Variants in DNAH14 observed in about 807,000 individuals in gnomAD.
The protein encoded by DNAH14 is axonemal beta dynein heavy chain 14.
A neutral mutation model predicts 520.9 loss-of-function variants in DNAH14; 478 were observed. That is an observed-to-expected ratio of 0.92 (90% confidence interval 0.85 to 0.99). The LOEUF is 0.99. Ranked by LOEUF, DNAH14 falls within the 50% of genes least tolerant of loss-of-function variation. The pLI, the probability that DNAH14 is intolerant of heterozygous loss-of-function variation, is 0.00. For synonymous variants in DNAH14, 1,581 were observed against 1,757.2 expected, an observed-to-expected ratio of 0.90 and a Z score of 2.51; for missense variants, 4,831 against 5,234.5, an observed-to-expected ratio of 0.92 and a Z score of 2.38.
At chr1:225,282,658 G>A (rs2093652504) in intron 54 of DNAH14, among the ~76,000 whole-genome samples, 1 of 152,146 alleles carries the variant, frequency 6.6e-6, no homozygotes, top group Non-Finnish European at 1.5e-5. Context: ...AAATGCTCTA[G>A]GAAATGTGCC....
At chr1:225,345,666 C>A (rs1008497582) in intron 69 of DNAH14, among the ~76,000 whole-genome samples, 2 of 151,862 alleles carry the variant, frequency 1.3e-5, no homozygotes, top group African/African-American at 4.8e-5. Flanking sequence ...AAATGTATTC[C>A]TTATCATGGA....
chr1:225,155,966 A>G (rs758865313), intron 34 of DNAH14, among the ~76,000 whole-genome samples: 5 of 152,100 alleles, frequency 3.3e-5, no homozygotes, highest in South Asian at 4.1e-4. Context: ...TTGCTTTTTA[A>G]AAGTTTCTTT....
intron 60 of DNAH14, among the ~76,000 whole-genome samples, chr1:225,310,797 A>G (rs1463007228): frequency 1.3e-5 from 2 of 152,176 alleles, no homozygotes; most frequent in African/African-American, 4.8e-5. Context: ...TTATGGCTGC[A>G]TAGTATTCCA....
At chr1:225,392,685 T>C (rs1216407321) in intron 84 of DNAH14, among the ~76,000 whole-genome samples, 1 of 152,246 alleles carries the variant, frequency 6.6e-6, no homozygotes, top group African/African-American at 2.4e-5. Flanking sequence ...TAAGTCAATG[T>C]AATCAACAGA....
At chr1:225,126,704 T>C (rs1308904672) in intron 27 of DNAH14, among the ~76,000 whole-genome samples, 1 of 152,218 alleles carries the variant, frequency 6.6e-6, no homozygotes, top group Non-Finnish European at 1.5e-5. Context: ...TGTCTCTCTT[T>C]ACTACAGTTC....
chr1:225,033,699 T>C (rs948707890), intron 11 of DNAH14, among the ~76,000 whole-genome samples: 9 of 151,424 alleles, frequency 5.9e-5, no homozygotes, highest in African/African-American at 2.2e-4. Context: ...ATTGATTCTA[T>C]GAACATGGGA....
chr1:225,207,958 A>G (rs1260794660), intron 41 of DNAH14, among the ~76,000 whole-genome samples: 1 of 152,180 alleles, frequency 6.6e-6, no homozygotes, highest in Admixed American at 6.6e-5. Context: ...ATCCTTTGCC[A>G]GTTAGTACAC....
Position 225,085,483 on chromosome 1 carries a change from T to C in DNAH14, c.3328-61T>C. The C allele has an allele frequency of 3.6e-6, 5 of 1,404,300 alleles. No homozygotes were observed. The South Asian group carries it at 7.3e-5, about 21-fold the overall frequency. 87.0% of individuals were successfully genotyped at this position (1,404,300 alleles called of 1,614,324 possible). ...CAAAACTTGCATTTAAAATTTCCAT[T>C]TTGGACATATCAGGAATTATTTGCT... On this transcript the variant is annotated intron_variant, in intron 20 of 85. Coordinates refer to ENST00000682510, the MANE Select transcript of DNAH14 (RefSeq NM_001367479.1).
Position 225,389,831 on chromosome 1 carries a change from T to C in DNAH14, c.13288T>C (p.Phe4430Leu), listed in dbSNP as rs1371185949. The C allele has an allele frequency of 1.9e-6, 3 of 1,551,558 alleles. No homozygotes were observed. The South Asian group carries it at 3.6e-5, about 18-fold the overall frequency. Residue 4430 changes from phenylalanine to leucine, a missense_variant, in exon 83 of 86, where the codon TTT (phenylalanine) becomes CTT (leucine). Transcript: ENST00000682510. Reference sequence around the variant, plus strand: ...TTCAGAGAACAATTTCTTTGAAGGGTTTCCTTCAAGATACTGGCTCCCAGC... The same window carrying C: ...TTCAGAGAACAATTTCTTTGAAGGGCTTCCTTCAAGATACTGGCTCCCAGC... ...EDSENNFFEG[F>L]PSRYWLPAFF...
chr1:225,039,600 C>A (rs184883236), intron 12 of DNAH14, among the ~76,000 whole-genome samples: 3 of 151,084 alleles, frequency 2.0e-5, no homozygotes, highest in Admixed American at 1.3e-4. Context: ...AAAAAGAAAT[C>A]TTTTCTTGCC....
At chr1:224,989,391 A>G (rs2062874780) in intron 8 of DNAH14, among the ~76,000 whole-genome samples, 1 of 152,180 alleles carries the variant, frequency 6.6e-6, no homozygotes, top group Non-Finnish European at 1.5e-5. Context: ...GTATATAGAA[A>G]CACAATTGAT....
At chr1:225,064,755 T>G (rs2148445491) in intron 17 of DNAH14, among the ~76,000 whole-genome samples, 1 of 152,136 alleles carries the variant, frequency 6.6e-6, no homozygotes, top group East Asian at 1.9e-4. Flanking sequence ...GATTGTTTTC[T>G]GAAGCCAGGG....
intron 21 of DNAH14, among the ~76,000 whole-genome samples, chr1:225,086,158 A>C (rs2073762076): frequency 6.6e-6 from 1 of 151,484 alleles, no homozygotes; most frequent in African/African-American, 2.4e-5. Context: ...TTTGAGACAG[A>C]GTCTTACTCC....
rs1343285088 is a variant in DNAH14 at position 225,388,466 on chromosome 1, G to C, written c.13165G>C (p.Val4389Leu). Residue 4389 changes from valine to leucine, a missense_variant, in exon 82 of 86, where the codon GTG becomes CTG. Transcript: ENST00000682510. ...GAATTTCTTCAATACTTGGGCCAAA[G>C]TGGCTTATACTGCAATACAGCGTCG... Reference protein sequence around the residue: ...RLNFFNTWAKVAYTAIQRRYM... With the variant: ...RLNFFNTWAKLAYTAIQRRYM... The C allele has an allele frequency of 2.3e-5, 36 of 1,533,566 alleles. No homozygotes were observed. The highest frequency in any genetic ancestry group is 3.1e-5 in the Non-Finnish European group (35 of 1,132,184). 95.0% of individuals were successfully genotyped at this position (1,533,566 alleles called of 1,614,324 possible). A position where few individuals can be genotyped will look rare whatever the true frequency, so the allele number is the denominator to read the frequency against.
chr1:225,231,090 A>G lies in DNAH14; in HGVS notation c.6457A>G (p.Thr2153Ala). ...TTTTTAAGGTGATGATTTGAATGACACGTCATCTAAGGAGGCAAATTCCCA... is the reference window on the plus strand; with the variant it reads ...TTTTTAAGGTGATGATTTGAATGACGCGTCATCTAAGGAGGCAAATTCCCA... ...GFEQSDDLND[T>A]SSKEANSQRE... The change falls in exon 42 of 86, where the codon ACG (threonine) becomes GCG (alanine). Residue 2153 changes from threonine to alanine, a missense_variant. By Grantham distance (58) the Thr-to-Ala change is moderately conservative. Transcript: ENST00000682510. 4 of 1,548,058 alleles carry G rather than the reference A, an allele frequency of 2.6e-6. No homozygotes were observed. The highest frequency in any genetic ancestry group is 3.5e-6 in the Non-Finnish European group (4 of 1,145,324).
intron 41 of DNAH14, among the ~76,000 whole-genome samples, chr1:225,217,042 C>T (rs1008784800): frequency 5.9e-5 from 9 of 152,102 alleles, no homozygotes; most frequent in African/African-American, 2.2e-4. Flanking sequence ...GTTTTATCTA[C>T]CTTTGGTCTT....
intron 4 of DNAH14, chr1:224,961,369 A>G (rs1249698650): frequency 6.6e-6 from 1 of 152,182 alleles, no homozygotes; most frequent in East Asian, 1.9e-4. Context: ...GTAATTTGTT[A>G]TGCATTGTAT....
At chr1:224,995,719 T>C (rs1049956280) in intron 8 of DNAH14, among the ~76,000 whole-genome samples, 1 of 151,930 alleles carries the variant, frequency 6.6e-6, no homozygotes, top group African/African-American at 2.4e-5. Context: ...TGTAGGCTTT[T>C]TTTATTCTTT....
intron 2 of DNAH14, 95 bp from the exon 3 acceptor site, chr1:224,954,864 A>G: frequency 1.1e-6 from 1 of 919,318 alleles, no homozygotes; most frequent in South Asian, 1.7e-5. Flanking sequence ...TGTTTTAATT[A>G]TAAATGTGAA....
Sources: allele counts gnomAD v4.1 joint callset (sites outside exome capture counted in the v4.1 genomes callset), GRCh38; gene constraint gnomAD v4.1.1; transcripts MANE v1.5; gene names NCBI Gene and HGNC (gene_info 2026-07-23, HGNC 2026-07-21).